ASAP2: variants seen among roughly 807,000 people sequenced by gnomAD.
ASAP2 encodes the protein arf-GAP with SH3 domain, ANK repeat and PH domain-containing protein 2.
A neutral mutation model predicts 131.4 loss-of-function variants in ASAP2; 45 were observed. That is an observed-to-expected ratio of 0.34 (90% confidence interval 0.27 to 0.44). ASAP2 has a LOEUF of 0.44. Among genes scored for constraint, ASAP2 ranks in the 20% least tolerant of loss-of-function variants. ASAP2 has a pLI of 1.00. For missense variants in ASAP2, 1,011 were observed against 1,297.0 expected, an observed-to-expected ratio of 0.78 and a Z score of 3.39; for synonymous variants, 510 against 503.0, an observed-to-expected ratio of 1.01 and a Z score of -0.19.
At chr2:9,247,455 A>G (rs556967760) in intron 1 of ASAP2, among the ~76,000 whole-genome samples, 2 of 152,198 alleles carry the variant, frequency 1.3e-5, no homozygotes, top group Non-Finnish European at 2.9e-5. Flanking sequence ...TTATTACCTC[A>G]TGCGCTGCTT....
At position 9,381,202 on chromosome 2, in the gene ASAP2, A is replaced by T. The variant is rs75583680; in HGVS notation, c.2016+394A>T. ...TTTCTTTGTTCCTCAGCCCCAGATC[A>T]TGTGGGTTGCTCAATACCATCTTTT... On this transcript the variant is annotated intron_variant, in intron 20 of 27. Transcript: ENST00000281419. Among the ~76,000 whole-genome samples the T allele has an allele frequency of 8.4e-3, 1,282 of 152,302 alleles. 19 individuals carry two copies. The highest frequency in any genetic ancestry group is 0.029 in the African/African-American group (1,217 of 41,574).
intron 15 of ASAP2, among the ~76,000 whole-genome samples, chr2:9,360,745 G>A (rs934466143): frequency 2.0e-5 from 3 of 152,124 alleles, no homozygotes; most frequent in Non-Finnish European, 4.4e-5. Flanking sequence ...ATAGTAAAAT[G>A]CAGTATAATT....
chr2:9,221,142 C>T (rs114055122), intron 1 of ASAP2, among the ~76,000 whole-genome samples: 1 of 152,132 alleles, frequency 6.6e-6, no homozygotes, highest in African/African-American at 2.4e-5. Context: ...ATTGAGGCTC[C>T]CTTGCATTTC....
intron 1 of ASAP2, among the ~76,000 whole-genome samples, chr2:9,277,816 A>C (rs1326131989): frequency 6.6e-6 from 1 of 152,202 alleles, no homozygotes; most frequent in Non-Finnish European, 1.5e-5. Context: ...TTTGTATTGC[A>C]GCCACTCTGT....
intron 24 of ASAP2, among the ~76,000 whole-genome samples, chr2:9,397,750 A>ATATATT (rs1343127000): frequency 2.7e-4 from 12 of 44,810 alleles, no homozygotes; most frequent in African/African-American, 1.2e-3. Flanking sequence ...ATATATATAT[A>ATATATT]TTTTTTTTTT....
intron 17 of ASAP2, among the ~76,000 whole-genome samples, chr2:9,376,499 T>G (rs564795670): frequency 1.3e-5 from 2 of 152,366 alleles, no homozygotes; most frequent in Admixed American, 1.3e-4. Flanking sequence ...TTAAGCCTGC[T>G]TAAGAAACAT....
chr2:9,332,010 G>C (rs778229431), intron 7 of ASAP2, among the ~76,000 whole-genome samples: 9 of 152,116 alleles, frequency 5.9e-5, no homozygotes, highest in Non-Finnish European at 1.2e-4. Context: ...GGCTGCAGGA[G>C]GGGCCCTGGC....
intron 3 of ASAP2, among the ~76,000 whole-genome samples, chr2:9,316,088 G>A (rs1669653128): frequency 6.6e-6 from 1 of 152,080 alleles, no homozygotes; most frequent in Admixed American, 6.6e-5. Context: ...AGAGGCCGAG[G>A]AGGGCAGATT....
At chr2:9,309,820 A>G (rs887709005) in intron 3 of ASAP2, among the ~76,000 whole-genome samples, 3 of 152,200 alleles carry the variant, frequency 2.0e-5, no homozygotes, top group South Asian at 2.1e-4. Flanking sequence ...GAGGAACTCA[A>G]TTTTTAACTT....
At chr2:9,298,800 A>G (rs1006596484) in intron 3 of ASAP2, among the ~76,000 whole-genome samples, 8 of 152,216 alleles carry the variant, frequency 5.3e-5, no homozygotes, top group East Asian at 1.9e-4. Flanking sequence ...AGCCCTTTCC[A>G]TGCACACAGA....
At chr2:9,400,883 G>A (rs1016452410) in intron 26 of ASAP2, 53 bp downstream of exon 26, 50 of 1,561,130 alleles carry the variant, frequency 3.2e-5, no homozygotes, top group Non-Finnish European at 4.0e-5. Flanking sequence ...GGGGGTGCAG[G>A]TGGTTTCACA....
chr2:9,396,988 C>T (rs1285105916), intron 24 of ASAP2, among the ~76,000 whole-genome samples: 1 of 152,164 alleles, frequency 6.6e-6, no homozygotes, highest in Non-Finnish European at 1.5e-5. Context: ...GGCAACAGAG[C>T]CAGACTCCGT....
intron 1 of ASAP2, among the ~76,000 whole-genome samples, chr2:9,265,018 C>T (rs961312184): frequency 1.3e-5 from 2 of 152,142 alleles, no homozygotes; most frequent in Non-Finnish European, 2.9e-5. Flanking sequence ...TGCCTGTGCT[C>T]CCAGCTACTC....
At chr2:9,383,512 G>C (rs1675030928) in intron 20 of ASAP2, among the ~76,000 whole-genome samples, 1 of 152,122 alleles carries the variant, frequency 6.6e-6, no homozygotes, top group African/African-American at 2.4e-5. Flanking sequence ...TCCTGCCTCA[G>C]CTTCCCAAAA....
chr2:9,388,266 A>G (rs1572615218), intron 21 of ASAP2, 28 bp from the exon 22 acceptor site: 1 of 1,610,162 alleles, frequency 6.2e-7, no homozygotes, highest in Non-Finnish European at 8.5e-7. Flanking sequence ...TTTGTCTCAC[A>G]CGCCTCTGCC....
At chr2:9,208,659 C>T (rs1365036196) in intron 1 of ASAP2, among the ~76,000 whole-genome samples, 1 of 152,090 alleles carries the variant, frequency 6.6e-6, no homozygotes, top group Non-Finnish European at 1.5e-5. Context: ...CGGTGATTCC[C>T]CAGATCACTT....
At chr2:9,338,492 T>C (rs767094864) in intron 9 of ASAP2, among the ~76,000 whole-genome samples, 3 of 152,196 alleles carry the variant, frequency 2.0e-5, no homozygotes, top group Non-Finnish European at 2.9e-5. Flanking sequence ...GTATCTTACA[T>C]GCCCAAATCT....
chr2:9,253,003 G>T (rs931535287), intron 1 of ASAP2, among the ~76,000 whole-genome samples: 4 of 151,774 alleles, frequency 2.6e-5, no homozygotes, highest in Non-Finnish European at 5.9e-5. Context: ...TGACTATTTA[G>T]TTGTTCACTG....
chr2:9,226,792 C>T (rs1371064410), intron 1 of ASAP2, among the ~76,000 whole-genome samples: 6 of 152,340 alleles, frequency 3.9e-5, no homozygotes, highest in Admixed American at 6.5e-5. Flanking sequence ...GTGCTCTTCC[C>T]TGGCCTAACA....
Sources: allele counts gnomAD v4.1 joint callset (sites outside exome capture counted in the v4.1 genomes callset), GRCh38; gene constraint gnomAD v4.1.1; transcripts MANE v1.5; gene names NCBI Gene and HGNC (gene_info 2026-07-23, HGNC 2026-07-21).